Variants in AFF3 observed in about 807,000 individuals in gnomAD.
AFF3 encodes AF4/FMR2 family member 3.
AFF3 carries 32 observed loss-of-function variants against 129.7 expected under a neutral mutation model. That is an observed-to-expected ratio of 0.25 (90% confidence interval 0.19 to 0.33). The LOEUF is 0.33. Among genes scored for constraint, AFF3 ranks in the 10% least tolerant of loss-of-function variants. The pLI, the probability that AFF3 is intolerant of heterozygous loss-of-function variation, is 1.00. For synonymous variants in AFF3, 644 were observed against 635.4 expected (o/e 1.01, Z -0.20); for missense variants, 1,373 against 1,592.0 (o/e 0.86, Z 2.34).
Position 99,681,813 on chromosome 2 carries a change from A to AT in AFF3, c.1092-9225dup, listed in dbSNP as rs575567019. On this transcript the variant is annotated intron_variant, in intron 11 of 24. Transcript: ENST00000672756. ...TTATTTTGTTACTTTAGCCTGAGGTATTTTTTTTTTTACAGTAGCCTGAAT... is the reference window on the plus strand; with the variant it reads ...TTATTTTGTTACTTTAGCCTGAGGTATTTTTTTTTTTTACAGTAGCCTGAAT... Among the ~76,000 whole-genome samples, 951 of 146,806 alleles carry AT rather than the reference A, an allele frequency of 6.5e-3. 7 individuals carry two copies. The highest frequency in any genetic ancestry group is 9.2e-3 in the Non-Finnish European group (611 of 66,216).
rs1197222142 is a variant in AFF3 at position 99,581,853 on chromosome 2, G to GTT, written c.2793+943_2793+944dup. Among the ~76,000 whole-genome samples the GTT allele has an allele frequency of 2.1e-3, 250 of 121,550 alleles. 6 individuals are homozygous for GTT. Among genetic ancestry groups the GTT allele is most frequent in the African/African-American group, 7.1e-3 (214 of 30,348 alleles). 79.7% of individuals were successfully genotyped at this position (121,550 alleles called of 152,430 possible). A position where few individuals can be genotyped will look rare whatever the true frequency, so the allele number is the denominator to read the frequency against. ...TGCTTAGGCGTCCCTAGGTGTTGGAGTTTTTTTTTTTTTTTTTTTGAGACA... is the reference window on the plus strand; with the variant it reads ...TGCTTAGGCGTCCCTAGGTGTTGGAGTTTTTTTTTTTTTTTTTTTTTGAGACA... On this transcript the variant is annotated intron_variant, in intron 17 of 24. Coordinates refer to ENST00000672756, the MANE Select transcript of AFF3 (RefSeq NM_001386135.1).
At position 99,659,758 on chromosome 2, in the gene AFF3, T is replaced by C. The variant is rs113278054; in HGVS notation, c.1144-10092A>G. 4.4e-3 allele frequency among the ~76,000 whole-genome samples: 663 copies of C among 152,238 alleles called. 7 individuals are homozygous for C. Among genetic ancestry groups the C allele is most frequent in the African/African-American group, 0.015 (638 of 41,542 alleles). Reference sequence around the variant, plus strand: ...ATGAAGCTTTGCATAAAGGTGATACTGACGTAGCTCCTTATCACAGCCTAG... The same window carrying C: ...ATGAAGCTTTGCATAAAGGTGATACCGACGTAGCTCCTTATCACAGCCTAG... On this transcript the variant is annotated intron_variant, in intron 12 of 24. Transcript: ENST00000672756.
At chr2:99,608,480 G>T (rs886645314) in intron 13 of AFF3, among the ~76,000 whole-genome samples, 1 of 152,130 alleles carries the variant, frequency 6.6e-6, no homozygotes, top group South Asian at 2.1e-4. Flanking sequence ...CTTAAAACTG[G>T]TAACTTTAGA....
intron 8 of AFF3, among the ~76,000 whole-genome samples, chr2:99,765,507 G>C (rs576965535): frequency 6.6e-6 from 1 of 152,148 alleles, no homozygotes; most frequent in African/African-American, 2.4e-5. Context: ...GAATGACCTC[G>C]GGCAAGTTTA....
chr2:99,841,202 T>C (rs1364356912), intron 7 of AFF3, among the ~76,000 whole-genome samples: 1 of 152,224 alleles, frequency 6.6e-6, no homozygotes, highest in Non-Finnish European at 1.5e-5. Flanking sequence ...AGGTTGCTTT[T>C]ATAACTATCT....
chr2:99,871,368 C>G (rs1196063173), intron 7 of AFF3, among the ~76,000 whole-genome samples: 3 of 152,140 alleles, frequency 2.0e-5, no homozygotes, highest in Non-Finnish European at 4.4e-5. Flanking sequence ...TAAATATGAG[C>G]TATCATTATT....
At chr2:100,063,770 C>T (rs577394422) in intron 4 of AFF3, among the ~76,000 whole-genome samples, 3 of 151,978 alleles carry the variant, frequency 2.0e-5, no homozygotes, top group African/African-American at 7.2e-5. Context: ...GACATAAATC[C>T]ACAGATATAC....
Position 99,582,813 on chromosome 2 carries a change from G to A in AFF3, c.2778C>T (p.His926=), listed in dbSNP as rs893076897. 12 of 1,614,066 alleles carry A rather than the reference G, an allele frequency of 7.4e-6. No individual in the cohort carries two copies. Among genetic ancestry groups the A allele is most frequent in the Middle Eastern group, 1.6e-4 (1 of 6,074 alleles). Reference sequence around the variant, plus strand: ...ATCAACAAACCGTGAGGTCTCCGCCGTGAGGCTGCAGCTGGCTGTCGGCCT... The same window carrying A: ...ATCAACAAACCGTGAGGTCTCCGCCATGAGGCTGCAGCTGGCTGTCGGCCT... The part of the protein sequence containing the change: ...KPKADSQLQP[H]GGDLTKAAHN... Residue 926 remains histidine (H), a synonymous_variant, in exon 17 of 25, where the codon CAC becomes CAT. Coordinates refer to ENST00000672756, the MANE Select transcript of AFF3 (RefSeq NM_001386135.1).
chr2:99,549,134 T>C lies in AFF3; in HGVS notation c.*2340A>G, dbSNP rs538869104. The C allele has an allele frequency of 1.6e-4, 35 of 224,206 alleles. No individual in the cohort carries two copies. In the East Asian group the frequency reaches 2.1e-3, roughly 14 times the overall value. 13.9% of individuals were successfully genotyped at this position (224,206 alleles called of 1,614,324 possible). ...AGAGAAGCTCTCCAGGTATGCAGGA[T>C]AGACCTCCAGGGCCATCCCTTTATG... is the stretch of plus-strand genomic sequence containing the variant. On this transcript the variant is annotated 3_prime_UTR_variant, in exon 25 of 25. Coordinates refer to ENST00000672756, the MANE Select transcript of AFF3 (RefSeq NM_001386135.1).
chr2:99,691,837 C>T (rs1675699142), intron 11 of AFF3, among the ~76,000 whole-genome samples: 1 of 152,106 alleles, frequency 6.6e-6, no homozygotes, highest in Non-Finnish European at 1.5e-5. Context: ...AAGACGAACT[C>T]CAGGAAAAAG....
chr2:99,584,378 C>T (rs1229684055), intron 16 of AFF3, among the ~76,000 whole-genome samples: 1 of 152,160 alleles, frequency 6.6e-6, no homozygotes, highest in Non-Finnish European at 1.5e-5. Context: ...GAGGCTGAGG[C>T]AGGAGAATCG....
chr2:99,784,030 A>G (rs1019246895), intron 8 of AFF3, among the ~76,000 whole-genome samples: 2 of 152,250 alleles, frequency 1.3e-5, no homozygotes, highest in African/African-American at 4.8e-5. Flanking sequence ...AGTGTTTCTG[A>G]AAAGTATTCA....
At chr2:99,873,959 G>C (rs1452997812) in intron 7 of AFF3, among the ~76,000 whole-genome samples, 1 of 152,012 alleles carries the variant, frequency 6.6e-6, no homozygotes, top group Non-Finnish European at 1.5e-5. Context: ...CAGATCACGA[G>C]GTCAGGAGAT....
intron 8 of AFF3, among the ~76,000 whole-genome samples, chr2:99,796,219 T>G (rs1576010097): frequency 6.6e-6 from 1 of 152,294 alleles, no homozygotes; most frequent in Non-Finnish European, 1.5e-5. Flanking sequence ...AGGCTCAAGT[T>G]GGCAAACCAC....
chr2:99,564,251 C>A (rs1675764158), intron 20 of AFF3, among the ~76,000 whole-genome samples: 1 of 152,204 alleles, frequency 6.6e-6, no homozygotes, highest in African/African-American at 2.4e-5. Flanking sequence ...TACTCACACT[C>A]TAGGGCATCT....
intron 7 of AFF3, among the ~76,000 whole-genome samples, chr2:99,931,977 T>C (rs571301901): frequency 3.3e-5 from 5 of 152,332 alleles, no homozygotes; most frequent in African/African-American, 1.2e-4. Context: ...TTATGTGCCC[T>C]AGTCTGCCCA....
intron 14 of AFF3, among the ~76,000 whole-genome samples, chr2:99,600,307 T>C (rs1328583919): frequency 6.6e-6 from 1 of 152,030 alleles, no homozygotes; most frequent in Admixed American, 6.6e-5. Flanking sequence ...GGAAACAAAA[T>C]GTCCCTGATT....
At chr2:99,624,970 G>GAC (rs1471240582) in intron 13 of AFF3, among the ~76,000 whole-genome samples, 1 of 152,164 alleles carries the variant, frequency 6.6e-6, no homozygotes, top group Non-Finnish European at 1.5e-5. Flanking sequence ...ACACACACTT[G>GAC]ACACACACAA....
Position 100,007,340 on chromosome 2 carries a change from C to A in AFF3, c.295G>T (p.Gly99Trp). The A allele has an allele frequency of 6.2e-7, 1 of 1,614,112 alleles. No individual in the cohort carries two copies. Among genetic ancestry groups the A allele is most frequent in the Non-Finnish European group, 8.5e-7 (1 of 1,180,006 alleles). The change falls in exon 6 of 25, where the codon GGG becomes TGG. Residue 99 changes from glycine (G) to tryptophan (W), a missense_variant. By Grantham distance (184) the Gly-to-Trp change is radical. This residue lies in a region of AFF3 where 255 missense variants were observed against 256.0 expected (regional missense o/e 1.00). Coordinates refer to ENST00000672756, the MANE Select transcript of AFF3 (RefSeq NM_001386135.1). ...QSHLVGVPKP[G>W]VPQTPVNKID... ...TTGTTCACAGGAGTCTGAGGAACCC[C>A]AGGTTTGGGAACTCCAACGAGATGA...
Sources: allele counts gnomAD v4.1 joint callset (sites outside exome capture counted in the v4.1 genomes callset), GRCh38; gene constraint gnomAD v4.1.1; regional missense constraint gnomAD v4.1.1; transcripts MANE v1.5; gene names NCBI Gene and HGNC (gene_info 2026-07-23, HGNC 2026-07-21).